The following TACR1 variants were observed in gnomAD, a reference collection of about 807,000 sequenced individuals.
TACR1 encodes substance-P receptor.
A neutral mutation model predicts 35.8 loss-of-function variants in TACR1; 25 were observed. That is an observed-to-expected ratio of 0.70 (90% confidence interval 0.51 to 0.98). The LOEUF is 0.98. Ranked by LOEUF, TACR1 falls within the 50% of genes least tolerant of loss-of-function variation. The pLI is 0.00. For synonymous variants in TACR1, 195 were observed against 206.7 expected (o/e 0.94, Z 0.48); for missense variants, 478 against 522.9 (o/e 0.91, Z 0.84).
At chr2:75,084,832 G>T (rs993080834) in intron 2 of TACR1, among the ~76,000 whole-genome samples, 14 of 151,926 alleles carry the variant, frequency 9.2e-5, no homozygotes, top group East Asian at 5.8e-4. Context: ...TTTTTTATTA[G>T]TCTTGCTAGT....
At chr2:75,090,418 C>T (rs1362181275) in intron 2 of TACR1, among the ~76,000 whole-genome samples, 1 of 152,126 alleles carries the variant, frequency 6.6e-6, no homozygotes, top group Non-Finnish European at 1.5e-5. Flanking sequence ...TTAAACATTT[C>T]ACAGCCTGTT....
At chr2:75,071,339 T>C (rs1396500042) in intron 2 of TACR1, among the ~76,000 whole-genome samples, 3 of 152,268 alleles carry the variant, frequency 2.0e-5, no homozygotes, top group South Asian at 2.1e-4. Flanking sequence ...ATTTAGGCTA[T>C]TGGGATGCCC....
chr2:75,185,320 G>T (rs1675665226), intron 1 of TACR1, among the ~76,000 whole-genome samples: 1 of 151,966 alleles, frequency 6.6e-6, no homozygotes, highest in African/African-American at 2.4e-5. Flanking sequence ...TTGAGTTGAG[G>T]AAGGTCTTTT....
intron 1 of TACR1, among the ~76,000 whole-genome samples, chr2:75,141,609 C>T (rs1484175550): frequency 6.6e-6 from 1 of 152,114 alleles, no homozygotes; most frequent in Non-Finnish European, 1.5e-5. Flanking sequence ...AGGTACCAAG[C>T]TATGCCTTTG....
At chr2:75,077,044 C>T (rs1672994584) in intron 2 of TACR1, among the ~76,000 whole-genome samples, 1 of 152,154 alleles carries the variant, frequency 6.6e-6, no homozygotes, top group South Asian at 2.1e-4. Flanking sequence ...GATCTTGGCT[C>T]ACCGTAACTT....
At chr2:75,141,089 A>G (rs571821111) in intron 1 of TACR1, among the ~76,000 whole-genome samples, 105 of 152,146 alleles carry the variant, frequency 6.9e-4, no homozygotes, top group Non-Finnish European at 1.3e-3. Context: ...GACCTCAGGA[A>G]GGTCTCATTG....
chr2:75,091,866 G>C (rs1673319201), intron 2 of TACR1, among the ~76,000 whole-genome samples: 1 of 152,196 alleles, frequency 6.6e-6, no homozygotes, highest in African/African-American at 2.4e-5. Context: ...AAGCCCACAT[G>C]GGGAAGAAGC....
chr2:75,091,113 C>G (rs76477847), intron 2 of TACR1, among the ~76,000 whole-genome samples: 1,737 of 149,136 alleles, frequency 0.012, 24 homozygotes, highest in African/African-American at 0.04. Flanking sequence ...CTTCTGATTG[C>G]TCATGGAGTA....
intron 1 of TACR1, among the ~76,000 whole-genome samples, chr2:75,196,801 C>T (rs181784913): frequency 1.4e-3 from 209 of 152,298 alleles, no homozygotes; most frequent in African/African-American, 4.9e-3. Flanking sequence ...CTTCCTAGAG[C>T]TTGTGCAAAG....
At chr2:75,050,382 A>G (rs1312228580) in intron 4 of TACR1, among the ~76,000 whole-genome samples, 4 of 152,212 alleles carry the variant, frequency 2.6e-5, no homozygotes, top group Admixed American at 6.5e-5. Context: ...CTGAGTGTCT[A>G]ATTCACAGAA....
chr2:75,163,900 C>A (rs539267453), intron 1 of TACR1, among the ~76,000 whole-genome samples: 11 of 151,746 alleles, frequency 7.2e-5, no homozygotes, highest in Non-Finnish European at 1.6e-4. Context: ...ATATTTTGCA[C>A]AAAATGATTC....
chr2:75,186,671 T>C (rs1675711794), intron 1 of TACR1, among the ~76,000 whole-genome samples: 1 of 152,010 alleles, frequency 6.6e-6, no homozygotes. Context: ...GCTTAAGTTC[T>C]TACCTAAATG....
At chr2:75,090,118 A>T (rs1232140100) in intron 2 of TACR1, among the ~76,000 whole-genome samples, 1 of 152,224 alleles carries the variant, frequency 6.6e-6, no homozygotes, top group African/African-American at 2.4e-5. Context: ...TGACATGACC[A>T]TCTTGCTGGG....
intron 2 of TACR1, among the ~76,000 whole-genome samples, chr2:75,064,467 G>A (rs1672728604): frequency 6.6e-6 from 1 of 152,174 alleles, no homozygotes; most frequent in Admixed American, 6.5e-5. Context: ...TAATTTAGGT[G>A]GAGAGTGAAA....
At chr2:75,145,960 C>T (rs1674501287) in intron 1 of TACR1, among the ~76,000 whole-genome samples, 1 of 152,024 alleles carries the variant, frequency 6.6e-6, no homozygotes, top group Admixed American at 6.6e-5. Flanking sequence ...CATAAGATCT[C>T]CCAGAACACT....
intron 1 of TACR1, among the ~76,000 whole-genome samples, chr2:75,190,688 C>A (rs1299060331): frequency 6.6e-6 from 1 of 152,044 alleles, no homozygotes; most frequent in Non-Finnish European, 1.5e-5. Context: ...TCATTATAAC[C>A]ATTTTATCAG....
chr2:75,072,842 G>C (rs1049485077), intron 2 of TACR1, among the ~76,000 whole-genome samples: 1 of 152,184 alleles, frequency 6.6e-6, no homozygotes, highest in East Asian at 1.9e-4. Flanking sequence ...AAGGTCTATG[G>C]TTCCAAGTTT....
chr2:75,195,259 A>G (rs1381630640), intron 1 of TACR1, among the ~76,000 whole-genome samples: 2 of 152,160 alleles, frequency 1.3e-5, no homozygotes, highest in Non-Finnish European at 2.9e-5. Flanking sequence ...TCTCTGAAAC[A>G]TTTTTAAATT....
chr2:75,144,236 T>C (rs1244313551), intron 1 of TACR1, among the ~76,000 whole-genome samples: 3 of 152,148 alleles, frequency 2.0e-5, no homozygotes, highest in Non-Finnish European at 4.4e-5. Flanking sequence ...AGAGGTGTGA[T>C]AATTAAAGCG....
Sources: gnomAD v4.1 joint callset for allele counts (sites outside exome capture counted in the v4.1 genomes callset) on GRCh38, gnomAD v4.1.1 for gene constraint, MANE v1.5 for transcripts, NCBI Gene and HGNC (gene_info 2026-07-23, HGNC 2026-07-21) for gene names.